Variants in RARB observed in about 807,000 individuals in gnomAD.
The protein encoded by RARB is HBV-activated protein.
Under a neutral mutation model 51.9 loss-of-function variants are expected in RARB, and 17 were observed. The observed-to-expected ratio is 0.33, with a 90% CI of 0.22 to 0.49. The LOEUF is 0.49. Among genes scored for constraint, RARB ranks in the 20% least tolerant of loss-of-function variants. The pLI, the probability that RARB is intolerant of heterozygous loss-of-function variation, is 0.99. For missense variants in RARB, 369 were observed against 550.8 expected, an observed-to-expected ratio of 0.67 and a Z score of 3.30; for synonymous variants, 215 against 195.4, an observed-to-expected ratio of 1.10 and a Z score of -0.84.
At chr3:25,241,006 C>T (rs1702417587) in intron 5 of RARB, among the ~76,000 whole-genome samples, 1 of 152,132 alleles carries the variant, frequency 6.6e-6, no homozygotes, top group African/African-American at 2.4e-5. Flanking sequence ...AATCTCATTA[C>T]TTCTTGTTGG....
At chr3:24,829,571 G>T (rs1162818625) in intron 1 of RARB, among the ~76,000 whole-genome samples, 1 of 152,214 alleles carries the variant, frequency 6.6e-6, no homozygotes, top group African/African-American at 2.4e-5. Flanking sequence ...GGGGCCGGGG[G>T]CTGGGGGTTG....
At chr3:25,594,702 T>C (rs1012060129) in intron 7 of RARB, 24 bp downstream of exon 7, 1 of 1,568,522 alleles carries the variant, frequency 6.4e-7, no homozygotes, top group East Asian at 2.3e-5. Flanking sequence ...CTCTCAGTAC[T>C]GTAGTCACAC....
intron 5 of RARB, among the ~76,000 whole-genome samples, chr3:25,212,607 ACT>A (rs1289019690): frequency 6.6e-6 from 1 of 152,128 alleles, no homozygotes; most frequent in East Asian, 1.9e-4. Flanking sequence ...ACAGAGCTAG[ACT>A]CTGTCTCAAA....
intron 2 of RARB, among the ~76,000 whole-genome samples, chr3:24,925,368 C>T (rs546529975): frequency 2.6e-4 from 40 of 152,122 alleles, no homozygotes; most frequent in African/African-American, 9.4e-4. Flanking sequence ...TCAGGCCTGG[C>T]ATGGTGGCTC....
intron 4 of RARB, among the ~76,000 whole-genome samples, chr3:25,573,117 T>A (rs1318708146): frequency 2.0e-5 from 3 of 152,066 alleles, no homozygotes; most frequent in Non-Finnish European, 4.4e-5. Flanking sequence ...CTAAACCACG[T>A]CCCAGAGTTT....
rs549806360 is a variant in RARB, at chr3:25,396,074, C to T, written c.179-65119C>T. Reference sequence around the variant, plus strand: ...TGATCCCTTGATGGGGTGTTCTCCCCCTTCCCCTAGGGATGTGGCTTCCTA... The same window carrying T: ...TGATCCCTTGATGGGGTGTTCTCCCTCTTCCCCTAGGGATGTGGCTTCCTA... On this transcript the variant is annotated intron_variant, in intron 5 of 11. Transcript: ENST00000383772. Among the ~76,000 whole-genome samples the T allele has an allele frequency of 3.3e-5, 5 of 152,276 alleles. 1 individual carries two copies. The highest frequency in any genetic ancestry group is 1.2e-4 in the African/African-American group (5 of 41,558).
At chr3:24,879,222 G>A (rs1316803894) in intron 2 of RARB, among the ~76,000 whole-genome samples, 3 of 151,404 alleles carry the variant, frequency 2.0e-5, no homozygotes, top group Non-Finnish European at 2.9e-5. Flanking sequence ...GAGGTCAGGA[G>A]ATTGAGACCA....
At chr3:25,171,516 A>T (rs909577975) in intron 4 of RARB, among the ~76,000 whole-genome samples, 3 of 137,432 alleles carry the variant, frequency 2.2e-5, no homozygotes, top group African/African-American at 8.1e-5. Context: ...AAAAAAGCCC[A>T]GACATGATAC....
chr3:25,046,454 T>C (rs1698217853), intron 2 of RARB, among the ~76,000 whole-genome samples: 1 of 152,022 alleles, frequency 6.6e-6, no homozygotes, highest in African/African-American at 2.4e-5. Flanking sequence ...TAAAAAATAT[T>C]ATAATTTTTT....
chr3:25,430,687 G>C (rs373793680), intron 1 of RARB, among the ~76,000 whole-genome samples: 5 of 152,198 alleles, frequency 3.3e-5, no homozygotes, highest in Non-Finnish European at 5.9e-5. Flanking sequence ...CGATAAGCAA[G>C]AAGTGTTGAT....
rs771392020 is a variant in RARB, at chr3:25,277,406, A to AGTG, written c.178+102833_178+102835dup. On this transcript the variant is annotated intron_variant, in intron 5 of 11. Coordinates refer to the RARB transcript ENST00000383772. ...TTAAAATAAGCTGCTCACTTGCAGA[A>AGTG]GTGGAAAGACACAAGTGAAATCGCC... Among the ~76,000 whole-genome samples, 4 of 152,334 alleles carry AGTG rather than the reference A, an allele frequency of 2.6e-5. No individual in the cohort carries two copies. In the East Asian group the frequency reaches 5.8e-4, roughly 22 times the overall value.
chr3:25,567,387 AT>A (rs10709005), intron 3 of RARB, among the ~76,000 whole-genome samples: 13,321 of 152,160 alleles, frequency 0.088, 966 homozygotes, highest in African/African-American at 0.19. Context: ...CATCCATATA[AT>A]TTAGAATCAC....
Position 25,247,582 on chromosome 3 carries a change from C to G in RARB, c.178+73007C>G, listed in dbSNP as rs2125399829. 1.3e-5 allele frequency among the ~76,000 whole-genome samples: 2 copies of G among 152,296 alleles called. 1 individual carries two copies. ...TCCCTTGTCGAGGGGAGGGAGTTCC[C>G]TCACCCCTTGAACTTCCCAAGTGAG... On this transcript the variant is annotated intron_variant, in intron 5 of 11. Coordinates refer to the RARB transcript ENST00000383772.
chr3:25,029,237 C>A (rs772152243), intron 2 of RARB, among the ~76,000 whole-genome samples: 1 of 152,204 alleles, frequency 6.6e-6, no homozygotes, highest in South Asian at 2.1e-4. Context: ...CAAACTGAGA[C>A]TAAACCATGA....
At chr3:25,459,320 G>C (rs1695055180) in intron 1 of RARB, among the ~76,000 whole-genome samples, 2 of 152,320 alleles carry the variant, frequency 1.3e-5, no homozygotes, top group South Asian at 4.1e-4. Context: ...TGGTATGAGA[G>C]CTTGGCCTAT....
chr3:25,387,844 G>T (rs572419511), intron 5 of RARB, among the ~76,000 whole-genome samples: 1 of 151,002 alleles, frequency 6.6e-6, no homozygotes. Flanking sequence ...GCAAGGCTCA[G>T]AAATATCCCA....
At chr3:24,920,092 C>T (rs980203789) in intron 2 of RARB, among the ~76,000 whole-genome samples, 6 of 152,158 alleles carry the variant, frequency 3.9e-5, no homozygotes, top group Admixed American at 3.3e-4. Flanking sequence ...AAAGCAATTG[C>T]ATTAGTTTTC....
intron 2 of RARB, among the ~76,000 whole-genome samples, chr3:24,863,290 G>A (rs1441498880): frequency 6.6e-6 from 1 of 152,156 alleles, no homozygotes; most frequent in Admixed American, 6.5e-5. Flanking sequence ...GAGCTAACCA[G>A]CCACAGATGC....
intron 4 of RARB, among the ~76,000 whole-genome samples, chr3:25,150,800 T>A (rs964184765): frequency 2.0e-5 from 3 of 152,194 alleles, no homozygotes; most frequent in African/African-American, 7.2e-5. Flanking sequence ...AGCCTTCTAG[T>A]AGTTTTAGAA....
Sources: allele counts gnomAD v4.1 joint callset (sites outside exome capture counted in the v4.1 genomes callset), GRCh38; gene constraint gnomAD v4.1.1; transcripts MANE v1.5; gene names NCBI Gene and HGNC (gene_info 2026-07-23, HGNC 2026-07-21).